Variants in JUP observed in about 807,000 individuals in gnomAD.
JUP encodes junction plakoglobin.
A neutral mutation model predicts 71.1 loss-of-function variants in JUP; 28 were observed. That is an observed-to-expected ratio of 0.39 (90% CI 0.29 to 0.54). JUP has a LOEUF of 0.54. Among genes scored for constraint, JUP ranks in the 20% least tolerant of loss-of-function variants. The pLI is 0.62. For synonymous variants in JUP, 401 were observed against 438.9 expected (o/e 0.91, Z 1.08); for missense variants, 869 against 1,030.1 (o/e 0.84, Z 2.14).
intron 5 of JUP, among the ~76,000 whole-genome samples, chr17:41,765,537 G>C (rs1597810178): frequency 6.6e-6 from 1 of 151,486 alleles, no homozygotes; most frequent in African/African-American, 2.4e-5. Context: ...GTTTTTGGTA[G>C]AGACAGGGTT....
At position 41,769,629 on chromosome 17, in the gene JUP, C is replaced by T. The variant is rs782341732; in HGVS notation, c.257G>A (p.Arg86Gln). ...TGACACACCAGGGCACATGGCCTCC[C>T]GCACCCGTTTGGCCCTGGCTGTTGT... ...MSTTARAKRV[R>Q]EAMCPGVSGE... is the part of the protein sequence containing the mutation. The change falls in exon 3 of 14, where the codon CGG becomes CAG. Residue 86 changes from arginine (R) to glutamine (Q), a missense_variant. Transcript: ENST00000393931. The T allele has an allele frequency of 3.6e-5, 58 of 1,606,120 alleles. No homozygotes were observed. Among genetic ancestry groups the T allele is most frequent in the South Asian group, 9.0e-5 (8 of 89,234 alleles).
At chr17:41,785,838 C>T (rs946775130) in intron 1 of JUP, 4 of 151,516 alleles carry the variant, frequency 2.6e-5, no homozygotes, top group Admixed American at 1.3e-4. Context: ...CAGGGCGAGC[C>T]ACGGGTGCCA....
chr17:41,771,936 GC>G, intron 1 of JUP, 74 bp from the exon 2 acceptor site: 1 of 1,235,434 alleles, frequency 8.1e-7, no homozygotes, highest in African/African-American at 1.5e-5. Flanking sequence ...CCGTCACCAA[GC>G]CCCGCCTGTC....
intron 1 of JUP, chr17:41,772,391 C>T (rs1916815644): frequency 8.4e-6 from 2 of 238,270 alleles, no homozygotes; most frequent in South Asian, 6.1e-5. Context: ...GCGCCCCAGG[C>T]TCCCTCAGAG....
chr17:41,760,405 G>A (rs551747441), intron 8 of JUP, among the ~76,000 whole-genome samples: 72 of 151,188 alleles, frequency 4.8e-4, no homozygotes, highest in Non-Finnish European at 2.4e-4. Context: ...ACAGGCGCCC[G>A]CCACCACGCC....
chr17:41,783,730 G>T (rs138960999), intron 1 of JUP, among the ~76,000 whole-genome samples: 2 of 151,560 alleles, frequency 1.3e-5, no homozygotes. Context: ...ACCAGCCTGC[G>T]CAACATGGTG....
intron 8 of JUP, among the ~76,000 whole-genome samples, chr17:41,762,400 T>C (rs1304105207): frequency 6.6e-6 from 1 of 151,926 alleles, no homozygotes; most frequent in Non-Finnish European, 1.5e-5. Flanking sequence ...TGTTTTTCTT[T>C]TCTTTTAAGA....
intron 1 of JUP, among the ~76,000 whole-genome samples, chr17:41,776,748 T>A (rs1164216727): frequency 2.6e-5 from 4 of 152,162 alleles, no homozygotes; most frequent in Admixed American, 2.0e-4. Context: ...GGCTCACGCC[T>A]GTAATCCCAG....
chr17:41,776,623 C>A (rs1469978846), intron 1 of JUP, among the ~76,000 whole-genome samples: 3 of 152,148 alleles, frequency 2.0e-5, no homozygotes, highest in Non-Finnish European at 4.4e-5. Flanking sequence ...GAAGCTGAAG[C>A]ATCACTTGAG....
In JUP at chr17:41,763,243, C is replaced by A; in HGVS notation, c.1237G>T (p.Gly413Cys). 6.2e-7 allele frequency: 1 copy of A among 1,614,198 alleles called. No individual in the cohort carries two copies. Among genetic ancestry groups the A allele is most frequent in the Non-Finnish European group, 8.5e-7 (1 of 1,180,036 alleles). Reference protein sequence around the residue: ...DDVNVLTCATGTLSNLTCNNS... With the variant: ...DDVNVLTCATCTLSNLTCNNS... ...TTGCATGTCAGGTTGGAGAGTGTGC[C>A]CGTGGCACAGGTGAGGACGTTGACG... The change falls in exon 8 of 14, where the codon GGC (glycine) becomes TGC (cysteine). Residue 413 changes from glycine to cysteine, a missense_variant. By Grantham distance (159) the Gly-to-Cys change is radical. Transcript: ENST00000393931.
Position 41,763,892 on chromosome 17 carries a change from A to G in JUP, c.1159-571T>C, listed in dbSNP as rs1915279890. On this transcript the variant is annotated intron_variant, in intron 7 of 13. Transcript: ENST00000393931. Reference sequence around the variant, plus strand: ...CACGTGGGCCTTGTGGTGGAACAGAAAAACCCCAGCTTTGGGGACGGACAG... The same window carrying G: ...CACGTGGGCCTTGTGGTGGAACAGAGAAACCCCAGCTTTGGGGACGGACAG... 2.6e-5 allele frequency among the ~76,000 whole-genome samples: 4 copies of G among 152,178 alleles called. No homozygotes were observed. In the South Asian group the frequency reaches 8.3e-4, roughly 32 times the overall value.
intron 9 of JUP, 74 bp downstream of exon 9, chr17:41,758,641 C>A: frequency 1.3e-6 from 2 of 1,582,246 alleles, no homozygotes; most frequent in East Asian, 2.3e-5. Context: ...CTGACCTCCC[C>A]ATTCACACAC....
At chr17:41,762,159 G>T (rs1914939225) in intron 8 of JUP, among the ~76,000 whole-genome samples, 2 of 120,198 alleles carry the variant, frequency 1.7e-5, no homozygotes, top group South Asian at 3.0e-4. Context: ...GAGAGAGAGA[G>T]AGAGAGAGAG....
chr17:41,767,016 T>C (rs148175793), intron 5 of JUP, among the ~76,000 whole-genome samples: 1,790 of 147,562 alleles, frequency 0.012, 19 homozygotes, highest in South Asian at 0.039. Context: ...CACTGCACTC[T>C]AGCCTGTGTG....
At chr17:41,777,297 C>T (rs2046932404) in intron 1 of JUP, among the ~76,000 whole-genome samples, 1 of 151,776 alleles carries the variant, frequency 6.6e-6, no homozygotes, top group African/African-American at 2.4e-5. Context: ...GTGAACATTC[C>T]CCACATAGCA....
intron 2 of JUP, among the ~76,000 whole-genome samples, chr17:41,770,515 C>T (rs1916486357): frequency 6.6e-6 from 1 of 152,174 alleles, no homozygotes; most frequent in Non-Finnish European, 1.5e-5. Context: ...AGTGCCTGGC[C>T]CTGCCAGCCA....
At chr17:41,781,007 C>T (rs577968309) in intron 1 of JUP, among the ~76,000 whole-genome samples, 91 of 152,110 alleles carry the variant, frequency 6.0e-4, no homozygotes, top group African/African-American at 1.6e-3. Context: ...AGTGAAACCC[C>T]GTCTCTACTA....
chr17:41,755,692 C>A lies in JUP; in HGVS notation c.*52G>T. 6.7e-7 allele frequency: 1 copy of A among 1,499,614 alleles called. No homozygotes were observed. 92.9% of individuals were successfully genotyped at this position (1,499,614 alleles called of 1,614,324 possible). A position where few individuals can be genotyped will look rare whatever the true frequency, so the allele number is the denominator to read the frequency against. On this transcript the variant is annotated 3_prime_UTR_variant, in exon 14 of 14. Coordinates refer to ENST00000393931, the MANE Select transcript of JUP (RefSeq NM_002230.4). ...GGAGGGCCTCCAACAGAAGGAGGTT[C>A]TAGAGAGGAGGAAAAGCCTGCAAAG...
At chr17:41,779,835 T>TTC (rs1555609885) in intron 1 of JUP, among the ~76,000 whole-genome samples, 1 of 150,036 alleles carries the variant, frequency 6.7e-6, no homozygotes, top group Non-Finnish European at 1.5e-5. Flanking sequence ...TTGGCTAATT[T>TTC]TTTTTTTTTT....
Sources: allele counts gnomAD v4.1 joint callset (sites outside exome capture counted in the v4.1 genomes callset), GRCh38; gene constraint gnomAD v4.1.1; transcripts MANE v1.5; gene names NCBI Gene and HGNC (gene_info 2026-07-23, HGNC 2026-07-21).